The following TRPS1 variants were observed in gnomAD, a reference collection of about 807,000 sequenced individuals.
TRPS1 encodes zinc finger transcription factor Trps1.
Under a neutral mutation model 101.2 loss-of-function variants are expected in TRPS1, and 6 were observed. That is an observed-to-expected ratio of 0.06 (90% CI 0.03 to 0.12). TRPS1 has a LOEUF of 0.12. Among genes scored for constraint, TRPS1 ranks in the 10% least tolerant of loss-of-function variants. The probability of loss-of-function intolerance (pLI) is 1.00; values close to 1 mark genes in which losing one functional copy is unlikely to be tolerated. For synonymous variants in TRPS1, 578 were observed against 589.8 expected (o/e 0.98, Z 0.29); for missense variants, 1,363 against 1,567.0 (o/e 0.87, Z 2.20).
intron 5 of TRPS1, among the ~76,000 whole-genome samples, chr8:115,478,808 A>C (rs1814674954): frequency 6.7e-6 from 1 of 150,060 alleles, no homozygotes; most frequent in Admixed American, 6.7e-5. Flanking sequence ...TCTCAAAAAA[A>C]AAAAGTATAT....
intron 5 of TRPS1, among the ~76,000 whole-genome samples, chr8:115,561,339 G>A (rs1371716184): frequency 6.6e-6 from 1 of 152,066 alleles, no homozygotes; most frequent in Admixed American, 6.6e-5. Context: ...AGGCAGCCAT[G>A]AGCTACTTCT....
intron 5 of TRPS1, among the ~76,000 whole-genome samples, chr8:115,485,806 C>T (rs536027302): frequency 1.3e-5 from 2 of 152,292 alleles, no homozygotes; most frequent in South Asian, 4.1e-4. Context: ...CTGATCTTAG[C>T]AGGAACTGCA....
chr8:115,471,425 G>A lies in TRPS1; in HGVS notation c.2701-52973C>T, dbSNP rs575369708. 1.3e-4 allele frequency among the ~76,000 whole-genome samples: 20 copies of A among 152,204 alleles called. 1 individual carries two copies. Among genetic ancestry groups the A allele is most frequent in the Admixed American group, 7.2e-4 (11 of 15,288 alleles). On this transcript the variant is annotated intron_variant, in intron 5 of 6. Transcript: ENST00000395715. ...TGAGAACAGCAGCATTGGGGTAACCGCCCCCATGATTCAATTACCTCCCAC... is the reference window on the plus strand; with the variant it reads ...TGAGAACAGCAGCATTGGGGTAACCACCCCCATGATTCAATTACCTCCCAC...
In TRPS1 at chr8:115,620,042, T is replaced by C. The variant is rs1818359748; in HGVS notation, c.56A>G (p.Asn19Ser). Reference sequence around the variant, plus strand: ...ACTTGCAACGTTTCTCAGAGGGGGGTTCTTTTTCCGGACCATATCTGCAAA... The same window carrying C: ...ACTTGCAACGTTTCTCAGAGGGGGGCTCTTTTTCCGGACCATATCTGCAAA... The part of the protein sequence containing the change: ...YDFTNMVRKK[N>S]PPLRNVASEG... The change falls in exon 3 of 7, where the codon AAC (asparagine) becomes AGC (serine). Residue 19 changes from asparagine to serine, a missense_variant. Asn to Ser is a conservative substitution (Grantham distance 46). Coordinates refer to ENST00000395715, the MANE Select transcript of TRPS1 (RefSeq NM_014112.5). The C allele has an allele frequency of 1.9e-6, 3 of 1,614,010 alleles. No individual in the cohort carries two copies. In the Admixed American group the frequency reaches 5.0e-5, roughly 27 times the overall value.
chr8:115,524,319 C>CTTTTTTTTTT (rs139406462), intron 5 of TRPS1, among the ~76,000 whole-genome samples: 19 of 70,696 alleles, frequency 2.7e-4, no homozygotes, highest in Admixed American at 3.9e-4. Flanking sequence ...CTTCTTCTTC[C>CTTTTTTTTTT]TTTTTTTTTT....
chr8:115,666,027 G>A (rs1207678753), intron 1 of TRPS1, among the ~76,000 whole-genome samples: 1 of 152,136 alleles, frequency 6.6e-6, no homozygotes, highest in Non-Finnish European at 1.5e-5. Context: ...CTCACATTCA[G>A]AGAAATCAAG....
At chr8:115,547,246 A>G (rs926296391) in intron 5 of TRPS1, among the ~76,000 whole-genome samples, 6 of 152,092 alleles carry the variant, frequency 3.9e-5, no homozygotes, top group Non-Finnish European at 8.8e-5. Flanking sequence ...TTAAATCAGG[A>G]AAGGGAACAA....
At chr8:115,576,204 G>A (rs1177652340) in intron 5 of TRPS1, among the ~76,000 whole-genome samples, 1 of 151,940 alleles carries the variant, frequency 6.6e-6, no homozygotes, top group African/African-American at 2.4e-5. Context: ...CTTTCAGACT[G>A]TATGTGTGAC....
At position 115,546,279 on chromosome 8, in the gene TRPS1, T is replaced by C. The variant is rs576005300; in HGVS notation, c.2700+40722A>G. 5.9e-5 allele frequency among the ~76,000 whole-genome samples: 9 copies of C among 152,030 alleles called. No homozygotes were observed. In the East Asian group the frequency reaches 1.5e-3, roughly 26 times the overall value. ...ATATATATTTAAAAAGCATTTGCAA[T>C]AGTTTTAACAAGATTCCCAATGCTA... On this transcript the variant is annotated intron_variant, in intron 5 of 6. Coordinates refer to ENST00000395715, the MANE Select transcript of TRPS1 (RefSeq NM_014112.5).
At chr8:115,597,361 G>A (rs1817810828) in intron 4 of TRPS1, among the ~76,000 whole-genome samples, 1 of 151,828 alleles carries the variant, frequency 6.6e-6, no homozygotes, top group Non-Finnish European at 1.5e-5. Flanking sequence ...GTTATGATTG[G>A]CCCTGTATAA....
At chr8:115,668,056 AG>A (rs990780221) in intron 1 of TRPS1, 6 of 403,506 alleles carry the variant, frequency 1.5e-5, no homozygotes, top group African/African-American at 1.3e-4. Context: ...TGCGAGGGGG[AG>A]GGGGCACCGG....
rs996822228 is a variant in TRPS1, at chr8:115,586,872, T to C, written c.2700+129A>G. On this transcript the variant is annotated intron_variant, in intron 5 of 6. Transcript: ENST00000395715. ...TGCTGCCACTTTGGCCTTAGGAGTA[T>C]AAATCCCCAGATTGAGACAGATCAT... The C allele has an allele frequency of 1.4e-5, 22 of 1,543,534 alleles. No homozygotes were observed. In the African/African-American group the frequency reaches 3.0e-4, roughly 21 times the overall value.
intron 5 of TRPS1, among the ~76,000 whole-genome samples, chr8:115,455,658 C>T (rs921404105): frequency 7.9e-5 from 12 of 152,084 alleles, no homozygotes; most frequent in Non-Finnish European, 1.0e-4. Flanking sequence ...CAATAATATA[C>T]CTAGTAAGAG....
chr8:115,648,198 AG>A (rs1232833107), intron 1 of TRPS1, among the ~76,000 whole-genome samples: 2 of 152,106 alleles, frequency 1.3e-5, no homozygotes, highest in African/African-American at 4.8e-5. Context: ...CAGGCTGGCC[AG>A]GGGATGCGAC....
intron 5 of TRPS1, among the ~76,000 whole-genome samples, chr8:115,559,733 A>G (rs778234215): frequency 2.6e-5 from 4 of 152,086 alleles, no homozygotes; most frequent in Admixed American, 6.6e-5. Context: ...CAAAGATTTT[A>G]TTTTTTAAAA....
intron 5 of TRPS1, among the ~76,000 whole-genome samples, chr8:115,577,678 A>C (rs770826071): frequency 6.6e-6 from 1 of 152,160 alleles, no homozygotes; most frequent in Non-Finnish European, 1.5e-5. Flanking sequence ...CAATAACAGA[A>C]AAAAAGCATA....
chr8:115,435,956 T>G (rs2129854771), intron 5 of TRPS1, among the ~76,000 whole-genome samples: 1 of 151,634 alleles, frequency 6.6e-6, no homozygotes, highest in East Asian at 1.9e-4. Context: ...ACTAGGATTT[T>G]TTTTGATTCT....
At chr8:115,615,086 C>A (rs1818248311) in intron 3 of TRPS1, among the ~76,000 whole-genome samples, 1 of 152,122 alleles carries the variant, frequency 6.6e-6, no homozygotes, top group Non-Finnish European at 1.5e-5. Flanking sequence ...AAACATAAGA[C>A]AGTACTTGGT....
chr8:115,513,491 A>G (rs981746487), intron 5 of TRPS1, among the ~76,000 whole-genome samples: 6 of 151,636 alleles, frequency 4.0e-5, no homozygotes, highest in African/African-American at 1.5e-4. Flanking sequence ...TGTCTGTCTT[A>G]TTTCTATCCA....
Sources: gnomAD v4.1 joint callset for allele counts (sites outside exome capture counted in the v4.1 genomes callset) on GRCh38, gnomAD v4.1.1 for gene constraint, MANE v1.5 for transcripts, NCBI Gene and HGNC (gene_info 2026-07-23, HGNC 2026-07-21) for gene names.